ZYG11B: variants seen among roughly 807,000 people sequenced by gnomAD.
The protein encoded by ZYG11B is protein zyg-11 homolog B.
In ZYG11B, 36 loss-of-function variants were observed where a neutral mutation model predicts 82.4. The observed-to-expected ratio is 0.44, with a 90% CI of 0.33 to 0.58. The LOEUF is 0.58. Ranked by LOEUF, ZYG11B falls within the 20% of genes least tolerant of loss-of-function variation. The pLI is 0.02. For missense variants in ZYG11B, 552 were observed against 895.6 expected, an observed-to-expected ratio of 0.62 and a Z score of 4.90; for synonymous variants, 303 against 312.8, an observed-to-expected ratio of 0.97 and a Z score of 0.33.
chr1:52,762,603 G>A (rs368417176), intron 2 of ZYG11B, among the ~76,000 whole-genome samples: 3 of 151,466 alleles, frequency 2.0e-5, no homozygotes, highest in Admixed American at 6.6e-5. Context: ...TTTTTGAGAC[G>A]AAGTTTTGCT....
chr1:52,740,297 A>G (rs1015217359), intron 1 of ZYG11B, among the ~76,000 whole-genome samples: 3 of 152,194 alleles, frequency 2.0e-5, no homozygotes, highest in Admixed American at 2.0e-4. Flanking sequence ...GTAGCTTTCC[A>G]GCTCTTGATC....
chr1:52,740,351 C>T (rs574497966), intron 1 of ZYG11B, among the ~76,000 whole-genome samples: 40 of 152,314 alleles, frequency 2.6e-4, no homozygotes, highest in African/African-American at 8.4e-4. Context: ...AGCACATATC[C>T]ACTTGCCATA....
At chr1:52,785,435 C>A (rs1278495806) in intron 5 of ZYG11B, among the ~76,000 whole-genome samples, 3 of 152,116 alleles carry the variant, frequency 2.0e-5, no homozygotes, top group Non-Finnish European at 4.4e-5. Context: ...GTCTTATACT[C>A]AGGATGAATA....
intron 1 of ZYG11B, among the ~76,000 whole-genome samples, chr1:52,751,184 T>C (rs1370641234): frequency 6.6e-6 from 1 of 152,026 alleles, no homozygotes; most frequent in Non-Finnish European, 1.5e-5. Flanking sequence ...TTCACCATGT[T>C]GCCCAGGCTG....
chr1:52,744,756 C>G (rs1397045825), intron 1 of ZYG11B, among the ~76,000 whole-genome samples: 1 of 152,226 alleles, frequency 6.6e-6, no homozygotes, highest in South Asian at 2.1e-4. Context: ...GCAGGAGAAT[C>G]TCTTGAACCC....
chr1:52,749,788 G>A (rs1421636020), intron 1 of ZYG11B, among the ~76,000 whole-genome samples: 1 of 152,120 alleles, frequency 6.6e-6, no homozygotes, highest in African/African-American at 2.4e-5. Context: ...CCTGACCTCA[G>A]GTGATCCGCC....
chr1:52,765,604 C>T (rs115803314), intron 2 of ZYG11B, among the ~76,000 whole-genome samples: 4,000 of 152,134 alleles, frequency 0.026, 139 homozygotes, highest in East Asian at 0.17. Flanking sequence ...CTCAAGCGAC[C>T]CTTCGACCTC....
chr1:52,744,118 G>C (rs181790962), intron 1 of ZYG11B, among the ~76,000 whole-genome samples: 33 of 152,068 alleles, frequency 2.2e-4, no homozygotes, highest in African/African-American at 7.7e-4. Context: ...TTTATTTTTA[G>C]TAGAGATGGG....
At chr1:52,733,036 G>A (rs973663548) in intron 1 of ZYG11B, among the ~76,000 whole-genome samples, 3 of 152,152 alleles carry the variant, frequency 2.0e-5, no homozygotes, top group Non-Finnish European at 2.9e-5. Flanking sequence ...AAGCTCATGC[G>A]TGGAAGCAAT....
At chr1:52,803,297 T>C (rs9662477) in intron 10 of ZYG11B, among the ~76,000 whole-genome samples, 1,876 of 115,006 alleles carry the variant, frequency 0.016, 105 homozygotes, top group African/African-American at 0.047. Context: ...TATATATATA[T>C]ACACATATAT....
At chr1:52,783,894 A>ACGTGTGTGTGTATGTACATACC (rs1644885456) in intron 4 of ZYG11B, among the ~76,000 whole-genome samples, 2 of 149,688 alleles carry the variant, frequency 1.3e-5, no homozygotes, top group Non-Finnish European at 2.9e-5. Flanking sequence ...ATGTACATAC[A>ACGTGTGTGTGTATGTACATACC]CGTGTGTGTA....
chr1:52,774,361 G>A (rs1644785353), intron 3 of ZYG11B, among the ~76,000 whole-genome samples: 1 of 148,206 alleles, frequency 6.7e-6, no homozygotes, highest in Non-Finnish European at 1.5e-5. Flanking sequence ...AGGCTGGAGT[G>A]CAATGGCGTG....
At chr1:52,783,995 T>TAGAG (rs555644548) in intron 4 of ZYG11B, among the ~76,000 whole-genome samples, 3 of 79,886 alleles carry the variant, frequency 3.8e-5, no homozygotes, top group East Asian at 6.9e-4. Flanking sequence ...CATATATATA[T>TAGAG]ATAGAGAGAG....
chr1:52,731,871 C>T (rs546460851), intron 1 of ZYG11B, among the ~76,000 whole-genome samples: 70 of 152,282 alleles, frequency 4.6e-4, no homozygotes, highest in Admixed American at 4.1e-3. Context: ...GGTGCAACCA[C>T]GGCTTGCTGC....
Position 52,729,152 on chromosome 1 carries a change from G to C in ZYG11B, c.30+2469G>C, listed in dbSNP as rs549901043. Among the ~76,000 whole-genome samples the C allele has an allele frequency of 3.3e-5, 5 of 152,228 alleles. No individual in the cohort carries two copies. The South Asian group carries it at 1.0e-3, about 32-fold the overall frequency. On this transcript the variant is annotated intron_variant, in intron 1 of 13. Coordinates refer to ENST00000294353, the MANE Select transcript of ZYG11B (RefSeq NM_024646.3). Reference sequence around the variant, plus strand: ...GCTCTTCCTAAGTCACCTTTTCACTGTTTTCACACATGGTGGCAGGGGCCA... The same window carrying C: ...GCTCTTCCTAAGTCACCTTTTCACTCTTTTCACACATGGTGGCAGGGGCCA...
chr1:52,726,638 C>G lies in ZYG11B; in HGVS notation c.-16C>G. Reference sequence around the variant, plus strand: ...GCTCCGGTCCGGCCCGCCGCCGCACCCAGGACGGAGGCTGCATGCCCGAGG... The same window carrying G: ...GCTCCGGTCCGGCCCGCCGCCGCACGCAGGACGGAGGCTGCATGCCCGAGG... On this transcript the variant is annotated 5_prime_UTR_variant, in exon 1 of 14. Coordinates refer to ENST00000294353, the MANE Select transcript of ZYG11B (RefSeq NM_024646.3). 6.8e-7 allele frequency: 1 copy of G among 1,463,140 alleles called. No homozygotes were observed. Among genetic ancestry groups the G allele is most frequent in the Non-Finnish European group, 9.0e-7 (1 of 1,113,520 alleles). 90.6% of individuals were successfully genotyped at this position (1,463,140 alleles called of 1,614,324 possible). A position where few individuals can be genotyped will look rare whatever the true frequency, so the allele number is the denominator to read the frequency against.
At chr1:52,757,994 G>T (rs1198424919) in intron 2 of ZYG11B, among the ~76,000 whole-genome samples, 1 of 151,848 alleles carries the variant, frequency 6.6e-6, no homozygotes, top group East Asian at 1.9e-4. Context: ...GAGGTCAGGA[G>T]TTCGAGACCA....
chr1:52,746,023 C>T (rs1644473213), intron 1 of ZYG11B, among the ~76,000 whole-genome samples: 1 of 151,430 alleles, frequency 6.6e-6, no homozygotes. Context: ...CAGTGGCACT[C>T]GATCTCGGCT....
chr1:52,816,317 T>C (rs1388728210), intron 12 of ZYG11B, among the ~76,000 whole-genome samples: 1 of 152,218 alleles, frequency 6.6e-6, no homozygotes, highest in Admixed American at 6.5e-5. Context: ...TTCACTACCA[T>C]GTTCTAATCA....
Sources: gnomAD v4.1 joint callset for allele counts (sites outside exome capture counted in the v4.1 genomes callset) on GRCh38, gnomAD v4.1.1 for gene constraint, MANE v1.5 for transcripts, NCBI Gene and HGNC (gene_info 2026-07-23, HGNC 2026-07-21) for gene names.